MAP4K5: variants seen among roughly 807,000 people sequenced by gnomAD.
MAP4K5 encodes mitogen-activated protein kinase kinase kinase kinase 5.
In MAP4K5, 82 loss-of-function variants were observed where a neutral mutation model predicts 135.6. The observed-to-expected ratio is 0.60, with a 90% CI of 0.51 to 0.73. The LOEUF (loss-of-function observed/expected upper bound fraction) is 0.73, where lower values mean the gene tolerates loss of function less well. MAP4K5 is among the 30% of genes least tolerant of loss of function. The probability of loss-of-function intolerance (pLI) is 0.00; values close to 1 mark genes in which losing one functional copy is unlikely to be tolerated. For synonymous variants in MAP4K5, 347 were observed against 335.0 expected, an observed-to-expected ratio of 1.04 and a Z score of -0.39; for missense variants, 907 against 1,010.9, an observed-to-expected ratio of 0.90 and a Z score of 1.39.
chr14:50,487,631 T>G (rs1566673680), intron 3 of MAP4K5, among the ~76,000 whole-genome samples: 1 of 152,174 alleles, frequency 6.6e-6, no homozygotes, highest in Non-Finnish European at 1.5e-5. Flanking sequence ...CAATTGAAAA[T>G]GTGCTTCTTA....
chr14:50,435,469 A>G (rs2036069747), intron 26 of MAP4K5, among the ~76,000 whole-genome samples: 1 of 152,068 alleles, frequency 6.6e-6, no homozygotes, highest in Non-Finnish European at 1.5e-5. Context: ...GGCTCAAGCA[A>G]TCCTCCCACA....
chr14:50,462,891 A>T, intron 12 of MAP4K5, 110 bp from the exon 13 acceptor site: 2 of 642,936 alleles, frequency 3.1e-6, no homozygotes, highest in South Asian at 1.9e-5. Flanking sequence ...AGTATATGGG[A>T]GTCTACTAAC....
chr14:50,425,479 T>C (rs2035825341), intron 31 of MAP4K5, among the ~76,000 whole-genome samples: 1 of 152,218 alleles, frequency 6.6e-6, no homozygotes, highest in Admixed American at 6.5e-5. Flanking sequence ...TTGAACATAG[T>C]TGGTACTCAA....
intron 3 of MAP4K5, among the ~76,000 whole-genome samples, chr14:50,493,642 G>A (rs2037533176): frequency 6.6e-6 from 1 of 152,054 alleles, no homozygotes; most frequent in Admixed American, 6.6e-5. Context: ...AAAATCAGTT[G>A]TGTTTCTATA....
chr14:50,436,704 C>T (rs1225687979), intron 26 of MAP4K5, among the ~76,000 whole-genome samples: 8 of 152,002 alleles, frequency 5.3e-5, no homozygotes, highest in Non-Finnish European at 8.8e-5. Context: ...CATCGAGGCT[C>T]GAATAAGCTT....
At chr14:50,427,427 C>T (rs1462899475) in intron 30 of MAP4K5, among the ~76,000 whole-genome samples, 1 of 152,130 alleles carries the variant, frequency 6.6e-6, no homozygotes, top group East Asian at 1.9e-4. Context: ...CATAAGCAAA[C>T]TATTTTCATG....
chr14:50,540,311 G>A (rs1403196061), intron 2 of MAP4K5, among the ~76,000 whole-genome samples: 1 of 152,182 alleles, frequency 6.6e-6, no homozygotes, highest in Non-Finnish European at 1.5e-5. Context: ...ACATATGTAG[G>A]TGGAAAAATC....
intron 6 of MAP4K5, among the ~76,000 whole-genome samples, chr14:50,477,972 A>G (rs1217390115): frequency 2.0e-5 from 3 of 152,180 alleles, no homozygotes; most frequent in Non-Finnish European, 2.9e-5. Flanking sequence ...CTGACTCAAA[A>G]TGATTCGGGA....
rs1184205024 is a variant in MAP4K5 at position 50,434,572 on chromosome 14, C to G, written c.1987-1G>C. 1 of 1,572,684 alleles carries G rather than the reference C, an allele frequency of 6.4e-7. No individual in the cohort carries two copies. The highest frequency in any genetic ancestry group is 1.4e-5 in the African/African-American group (1 of 73,816). ...GACTTGGCAAAGGAAAATCAAAGTG[C>G]TGCAAAAAAAATAAACAATAGAGCC... On this transcript the variant is annotated splice_acceptor_variant, in intron 27 of 32. Transcript: ENST00000682126. LOFTEE classifies it high-confidence loss of function.
At chr14:50,476,758 G>A (rs946170730) in intron 6 of MAP4K5, among the ~76,000 whole-genome samples, 12 of 152,114 alleles carry the variant, frequency 7.9e-5, no homozygotes, top group East Asian at 5.8e-4. Flanking sequence ...CACCACACCC[G>A]GCCTGAAGAT....
chr14:50,527,026 C>T (rs1312758532), intron 2 of MAP4K5, among the ~76,000 whole-genome samples: 5 of 152,228 alleles, frequency 3.3e-5, no homozygotes, highest in Admixed American at 1.3e-4. Flanking sequence ...TAAATGAAGG[C>T]TCATTCAACG....
At chr14:50,529,719 A>G (rs2038345638) in intron 2 of MAP4K5, among the ~76,000 whole-genome samples, 1 of 152,206 alleles carries the variant, frequency 6.6e-6, no homozygotes, top group Non-Finnish European at 1.5e-5. Flanking sequence ...AGGATGTGAA[A>G]AAAAGGAGGA....
intron 3 of MAP4K5, among the ~76,000 whole-genome samples, chr14:50,496,658 G>T (rs1282999001): frequency 1.3e-5 from 2 of 151,436 alleles, no homozygotes; most frequent in Non-Finnish European, 2.9e-5. Flanking sequence ...ACAGAAGCAG[G>T]CTGCCGTGCT....
chr14:50,510,353 G>C (rs568321855), intron 2 of MAP4K5, among the ~76,000 whole-genome samples: 15 of 152,170 alleles, frequency 9.9e-5, no homozygotes, highest in African/African-American at 3.6e-4. Flanking sequence ...CTCCCCGTTT[G>C]GCCTGGTTAA....
At chr14:50,501,276 T>C (rs1235403066) in intron 3 of MAP4K5, among the ~76,000 whole-genome samples, 1 of 152,066 alleles carries the variant, frequency 6.6e-6, no homozygotes, top group Non-Finnish European at 1.5e-5. Context: ...CAGATGACTG[T>C]TTTATTTCTT....
Position 50,446,182 on chromosome 14 carries a change from T to C in MAP4K5, c.1143-61A>G, listed in dbSNP as rs28712865. ...AAATGACCGTAACCGAAAACACAGA[T>C]ACTATTAAATATGTATTAAAATCAG... is the stretch of plus-strand genomic sequence containing the variant. On this transcript the variant is annotated intron_variant, in intron 16 of 32. Coordinates refer to ENST00000682126, the MANE Select transcript of MAP4K5 (RefSeq NM_006575.6). 3.6e-3 allele frequency: 3,391 copies of C among 950,924 alleles called. 72 individuals are homozygous for C. In the African/African-American group the frequency reaches 0.052, roughly 15 times the overall value. The allele number at this position is 950,924 out of a possible 1,614,324, so 58.9% of individuals were successfully genotyped here. A position where few individuals can be genotyped will look rare whatever the true frequency, so the allele number is the denominator to read the frequency against.
At chr14:50,456,326 A>G (rs1207366249) in intron 14 of MAP4K5, 190 bp downstream of exon 14, 1 of 548,248 alleles carries the variant, frequency 1.8e-6, no homozygotes, top group African/African-American at 2.0e-5. Flanking sequence ...ACTGGAAAAT[A>G]AAAATTATTC....
At chr14:50,500,213 T>C (rs933668781) in intron 3 of MAP4K5, among the ~76,000 whole-genome samples, 6 of 152,186 alleles carry the variant, frequency 3.9e-5, no homozygotes, top group African/African-American at 1.4e-4. Context: ...TCTTACATTC[T>C]AGGAGAGAGA....
intron 3 of MAP4K5, among the ~76,000 whole-genome samples, chr14:50,496,881 C>T (rs1403483567): frequency 2.0e-5 from 3 of 151,344 alleles, no homozygotes; most frequent in Non-Finnish European, 3.0e-5. Context: ...AATAAATATG[C>T]AGTAACCTAA....
Sources: allele counts gnomAD v4.1 joint callset (sites outside exome capture counted in the v4.1 genomes callset), GRCh38; gene constraint gnomAD v4.1.1; transcripts MANE v1.5; gene names NCBI Gene and HGNC (gene_info 2026-07-23, HGNC 2026-07-21).